HDAC4: variants seen among roughly 807,000 people sequenced by gnomAD.
The protein encoded by HDAC4 is histone deacetylase A.
In HDAC4, 16 loss-of-function variants were observed where a neutral mutation model predicts 135.1. The observed-to-expected ratio is 0.12, with a 90% CI of 0.08 to 0.18. The LOEUF is 0.18. HDAC4 is among the 10% of genes least tolerant of loss of function. The pLI, the probability that HDAC4 is intolerant of heterozygous loss-of-function variation, is 1.00. For missense variants in HDAC4, 1,143 were observed against 1,511.8 expected (o/e 0.76, Z 4.05); for synonymous variants, 685 against 653.4 (o/e 1.05, Z -0.74).
chr2:239,360,327 G>A (rs4852056), intron 1 of HDAC4, among the ~76,000 whole-genome samples: 21,285 of 152,204 alleles, frequency 0.14, 3,651 homozygotes, highest in East Asian at 0.77. Context: ...AAGGGGACCC[G>A]GAGACCCCAG....
intron 5 of HDAC4, among the ~76,000 whole-genome samples, chr2:239,175,694 C>A (rs1237374101): frequency 2.0e-5 from 3 of 152,184 alleles, no homozygotes; most frequent in African/African-American, 7.2e-5. Context: ...TTTGAAGGCA[C>A]TTATAAAATG....
intron 1 of HDAC4, among the ~76,000 whole-genome samples, chr2:239,397,101 G>C (rs866126968): frequency 6.6e-6 from 1 of 152,240 alleles, no homozygotes; most frequent in South Asian, 2.1e-4. Context: ...TAACGACACT[G>C]AACTAGAAAG....
chr2:239,332,901 A>G (rs747143257), intron 2 of HDAC4, among the ~76,000 whole-genome samples: 4 of 152,162 alleles, frequency 2.6e-5, no homozygotes, highest in Non-Finnish European at 4.4e-5. Flanking sequence ...TCCTACAGTC[A>G]TTACAAAGAT....
At chr2:239,251,933 A>T (rs982975320) in intron 2 of HDAC4, among the ~76,000 whole-genome samples, 2 of 152,186 alleles carry the variant, frequency 1.3e-5, no homozygotes, top group African/African-American at 2.4e-5. Context: ...ACCAAGACTA[A>T]CTTAATCTTA....
intron 3 of HDAC4, among the ~76,000 whole-genome samples, chr2:239,209,988 G>A (rs928246750): frequency 1.3e-5 from 2 of 152,164 alleles, no homozygotes; most frequent in Non-Finnish European, 2.9e-5. Context: ...GGGAGCGGGG[G>A]CGTGGGAGCA....
intron 5 of HDAC4, among the ~76,000 whole-genome samples, chr2:239,174,067 C>CA (rs1260464317): frequency 2.0e-5 from 3 of 152,162 alleles, no homozygotes; most frequent in African/African-American, 7.2e-5. Flanking sequence ...CCACTAGTAT[C>CA]AATTCCAGGT....
rs1416981939 is a variant in HDAC4, at chr2:239,146,154, C to T, written c.734-1440G>A. On this transcript the variant is annotated intron_variant, in intron 7 of 26. Transcript: ENST00000543185. The surrounding 1 kb of genome is among the most constrained non-coding windows in gnomAD (Gnocchi z 4.5). ...GGCACACTTCTGTGCCTAACACAAC[C>T]GACCGAGGCAAGCGTAGATTCACAA... Among the ~76,000 whole-genome samples, 2 of 152,218 alleles carry T rather than the reference C, an allele frequency of 1.3e-5. No individual in the cohort carries two copies. The highest frequency in any genetic ancestry group is 1.5e-5 in the Non-Finnish European group (1 of 68,046).
At chr2:239,371,620 CACAAAT>C (rs1453543590) in intron 1 of HDAC4, among the ~76,000 whole-genome samples, 1 of 152,288 alleles carries the variant, frequency 6.6e-6, no homozygotes, top group African/African-American at 2.4e-5. Context: ...CATTCACACT[CACAAAT>C]ACACTCATAT....
intron 24 of HDAC4, among the ~76,000 whole-genome samples, chr2:239,064,930 C>T (rs571391061): frequency 6.7e-4 from 102 of 152,366 alleles, no homozygotes; most frequent in South Asian, 3.5e-3. Context: ...CCTCCCTCTG[C>T]ATTTTCCAGA....
chr2:239,229,104 T>C (rs1290573254), intron 3 of HDAC4, among the ~76,000 whole-genome samples: 1 of 152,170 alleles, frequency 6.6e-6, no homozygotes, highest in African/African-American at 2.4e-5. Flanking sequence ...ATCCTGCCAC[T>C]GCACTCCAGC....
intron 21 of HDAC4, among the ~76,000 whole-genome samples, chr2:239,081,552 G>A (rs1328245264): frequency 2.6e-5 from 4 of 152,228 alleles, no homozygotes; most frequent in Admixed American, 1.3e-4. Flanking sequence ...AAGTGTCTCC[G>A]ATGAGCCTGT....
At position 239,049,586 on chromosome 2, in the gene HDAC4, T is replaced by G. The variant is rs1018119068; in HGVS notation, c.*3511A>C. Reference sequence around the variant, plus strand: ...TGTGACCAGTAAAGAAGGAATGTTCTGATCAAAAAGAAAAACAACAAAGTC... The same window carrying G: ...TGTGACCAGTAAAGAAGGAATGTTCGGATCAAAAAGAAAAACAACAAAGTC... On this transcript the variant is annotated 3_prime_UTR_variant, in exon 27 of 27. Transcript: ENST00000543185. 2 of 152,718 alleles carry G rather than the reference T, an allele frequency of 1.3e-5. No individual in the cohort carries two copies. Among genetic ancestry groups the G allele is most frequent in the African/African-American group, 4.8e-5 (2 of 41,588 alleles). 9.5% of individuals were successfully genotyped at this position (152,718 alleles called of 1,614,324 possible). A position where few individuals can be genotyped will look rare whatever the true frequency, so the allele number is the denominator to read the frequency against.
At chr2:239,251,503 G>A (rs561361459) in intron 2 of HDAC4, among the ~76,000 whole-genome samples, 3 of 152,136 alleles carry the variant, frequency 2.0e-5, no homozygotes, top group East Asian at 3.9e-4. Context: ...GCTGAGGCAC[G>A]AGGATCTCTC....
chr2:239,353,222 C>G (rs1229563226), intron 1 of HDAC4, among the ~76,000 whole-genome samples: 5 of 152,062 alleles, frequency 3.3e-5, no homozygotes, highest in African/African-American at 9.7e-5. Context: ...CCATGTTGGC[C>G]CAGGCTGGTC....
chr2:239,362,374 GA>G (rs1489396845), intron 1 of HDAC4, among the ~76,000 whole-genome samples: 1 of 152,168 alleles, frequency 6.6e-6, no homozygotes, highest in African/African-American at 2.4e-5. Context: ...TGGAAATTTT[GA>G]AATTTTGGTT....
At chr2:239,208,606 A>G (rs1204481413) in intron 3 of HDAC4, among the ~76,000 whole-genome samples, 1 of 152,150 alleles carries the variant, frequency 6.6e-6, no homozygotes, top group Non-Finnish European at 1.5e-5. Flanking sequence ...AAGGGAGGGA[A>G]CACAACTCCT....
At chr2:239,384,934 A>T (rs1695685343) in intron 1 of HDAC4, among the ~76,000 whole-genome samples, 1 of 152,042 alleles carries the variant, frequency 6.6e-6, no homozygotes, top group Non-Finnish European at 1.5e-5. Context: ...TCTGCACCCC[A>T]CCGGGCCCAG....
chr2:239,394,598 T>C (rs1009069393), intron 1 of HDAC4, among the ~76,000 whole-genome samples: 4 of 152,210 alleles, frequency 2.6e-5, no homozygotes, highest in Non-Finnish European at 5.9e-5. Flanking sequence ...CTTGCATTTA[T>C]GACATCTCCT....
intron 17 of HDAC4, chr2:239,094,553 C>G (rs1325550458): frequency 9.3e-7 from 1 of 1,071,624 alleles, no homozygotes; most frequent in Admixed American, 4.8e-5. Flanking sequence ...CACAGCCCAG[C>G]GAGTAGCCCT....
Sources: allele counts gnomAD v4.1 joint callset (sites outside exome capture counted in the v4.1 genomes callset), GRCh38; gene constraint gnomAD v4.1.1; non-coding constraint Gnocchi (gnomAD v3.1); transcripts MANE v1.5; gene names NCBI Gene and HGNC (gene_info 2026-07-23, HGNC 2026-07-21).